Variants in IBTK observed in about 807,000 individuals in gnomAD.
IBTK encodes inhibitor of Bruton tyrosine kinase, also known as BTK-binding protein.
In IBTK, 83 loss-of-function variants were observed where a neutral mutation model predicts 154.9. The observed-to-expected ratio is 0.54, with a 90% confidence interval of 0.45 to 0.64. IBTK has a LOEUF of 0.64. IBTK is among the 30% of genes least tolerant of loss of function. IBTK has a pLI of 0.00. For synonymous variants in IBTK, 515 were observed against 536.1 expected, an observed-to-expected ratio of 0.96 and a Z score of 0.54; for missense variants, 1,332 against 1,584.6, an observed-to-expected ratio of 0.84 and a Z score of 2.71.
At chr6:82,195,950 G>A (rs16893984) in intron 22 of IBTK, among the ~76,000 whole-genome samples, 1,687 of 152,216 alleles carry the variant, frequency 0.011, 29 homozygotes, top group African/African-American at 0.038. Flanking sequence ...CATTTGCCTT[G>A]ACAATTTTTA....
intron 10 of IBTK, 105 bp downstream of exon 10, chr6:82,217,855 A>G (rs1381018309): frequency 1.4e-6 from 1 of 710,502 alleles, no homozygotes; most frequent in Middle Eastern, 3.5e-4. Flanking sequence ...AAAGATAAAT[A>G]CATAAAAGTA....
chr6:82,220,564 A>G (rs1309549711), intron 9 of IBTK, 26 bp downstream of exon 9: 1 of 1,579,878 alleles, frequency 6.3e-7, no homozygotes, highest in Non-Finnish European at 8.6e-7. Flanking sequence ...GAGTAAGATT[A>G]CACTTTTACA....
intron 25 of IBTK, among the ~76,000 whole-genome samples, chr6:82,184,436 C>A (rs1208836564): frequency 6.6e-6 from 1 of 152,050 alleles, no homozygotes; most frequent in African/African-American, 2.4e-5. Context: ...CAAGCCAGGC[C>A]ACAAAGAAAA....
At chr6:82,195,100 AC>A (rs1257232391) in intron 22 of IBTK, among the ~76,000 whole-genome samples, 3 of 152,140 alleles carry the variant, frequency 2.0e-5, no homozygotes, top group Non-Finnish European at 4.4e-5. Context: ...CCCTAAAACT[AC>A]TGCTATTGTA....
At chr6:82,201,347 T>C (rs1562084984) in intron 19 of IBTK, 75 bp downstream of exon 19, 1 of 980,258 alleles carries the variant, frequency 1.0e-6, no homozygotes, top group Non-Finnish European at 1.5e-6. Context: ...AACTATTCCA[T>C]TAATAAGTCT....
At position 82,218,436 on chromosome 6, in the gene IBTK, AC is replaced by A. The variant is rs568183324; in HGVS notation, c.1249-300del. ...CCTGTTTAGGGCAAACAGATGTGCT[AC>A]AATGCTAAAGAAAAACAAAATCTTA... On this transcript the variant is annotated intron_variant, in intron 9 of 28. Coordinates refer to ENST00000306270, the MANE Select transcript of IBTK (RefSeq NM_015525.4). Among the ~76,000 whole-genome samples, 220 of 152,334 alleles carry A rather than the reference AC, an allele frequency of 1.4e-3. 1 individual carries two copies. The highest frequency in any genetic ancestry group is 4.8e-3 in the African/African-American group (200 of 41,586).
At position 82,200,257 on chromosome 6, in the gene IBTK, G is replaced by A; in HGVS notation, c.2913-4C>T. The A allele has an allele frequency of 6.3e-7, 1 of 1,598,442 alleles. No individual in the cohort carries two copies. The highest frequency in any genetic ancestry group is 8.6e-7 in the Non-Finnish European group (1 of 1,166,940). On this transcript the variant is annotated splice_polypyrimidine_tract_variant and splice_region_variant and intron_variant, in intron 20 of 28. Transcript: ENST00000306270. ...TGCTTTCTTGAACATAGTTTCCCTA[G>A]GAAAAAGCAAACATAATTTCAGCAG...
chr6:82,194,804 C>CAAG (rs746586705), intron 22 of IBTK, among the ~76,000 whole-genome samples, 162 bp from the exon 23 acceptor site: 4 of 151,952 alleles, frequency 2.6e-5, no homozygotes, highest in Non-Finnish European at 5.9e-5. Flanking sequence ...CAGTTTTGTG[C>CAAG]CTTAGCCAAC....
At position 82,201,496 on chromosome 6, in the gene IBTK, T is replaced by A. The variant is rs755243475; in HGVS notation, c.2730-14A>T. 11 of 1,562,778 alleles carry A rather than the reference T, an allele frequency of 7.0e-6. No individual in the cohort carries two copies. The highest frequency in any genetic ancestry group is 9.6e-6 in the Non-Finnish European group (11 of 1,141,388). On this transcript the variant is annotated splice_polypyrimidine_tract_variant and intron_variant, in intron 18 of 28. Coordinates refer to ENST00000306270, the MANE Select transcript of IBTK (RefSeq NM_015525.4). Reference sequence around the variant, plus strand: ...ACATCAAGAGACCTAAAATATAGGATACAAAATTCTATCTTAAGATTCAAG... The same window carrying A: ...ACATCAAGAGACCTAAAATATAGGAAACAAAATTCTATCTTAAGATTCAAG...
intron 4 of IBTK, among the ~76,000 whole-genome samples, chr6:82,228,052 A>G (rs1394726331): frequency 1.3e-5 from 2 of 151,982 alleles, no homozygotes; most frequent in African/African-American, 4.8e-5. Flanking sequence ...AAATATATAT[A>G]TATTTACATA....
chr6:82,194,018 A>G (rs1562079801), intron 23 of IBTK, among the ~76,000 whole-genome samples: 1 of 152,088 alleles, frequency 6.6e-6, no homozygotes, highest in Non-Finnish European at 1.5e-5. Flanking sequence ...AAAAATATAT[A>G]TATAATATAG....
At position 82,240,423 on chromosome 6, in the gene IBTK, G is replaced by A; in HGVS notation, c.64C>T (p.Leu22Phe). ...CRSLKHALDVLSVVTKGSENQ... is the reference protein window; with the variant it reads ...CRSLKHALDVFSVVTKGSENQ... ...TCGCTCCCCTTTGTTACCACAGAAA[G>A]GACATCCAAAGCATGCTTCAGGGAT... is the stretch of plus-strand genomic sequence containing the variant. The change falls in exon 2 of 29, where the codon CTT becomes TTT. Residue 22 changes from leucine (L) to phenylalanine (F), a missense_variant. Coordinates refer to ENST00000306270, the MANE Select transcript of IBTK (RefSeq NM_015525.4). 6.2e-7 allele frequency: 1 copy of A among 1,614,194 alleles called. No homozygotes were observed. The highest frequency in any genetic ancestry group is 8.5e-7 in the Non-Finnish European group (1 of 1,180,032).
At chr6:82,209,127 G>A (rs976160450) in intron 16 of IBTK, among the ~76,000 whole-genome samples, 4 of 152,178 alleles carry the variant, frequency 2.6e-5, no homozygotes, top group Admixed American at 2.0e-4. Context: ...CCCTCACACT[G>A]TTAGTGGTTA....
chr6:82,234,059 G>A (rs1397571222), intron 3 of IBTK, 100 bp downstream of exon 3: 3 of 487,968 alleles, frequency 6.1e-6, no homozygotes, highest in South Asian at 6.8e-5. Context: ...CAGTATTCTC[G>A]AACTCCTGAC....
chr6:82,173,387 T>C lies in IBTK; in HGVS notation c.3777A>G (p.Leu1259=), dbSNP rs765191599. Residue 1259 remains leucine (L), a synonymous_variant, in exon 27 of 29, where the codon TTA becomes TTG. Coordinates refer to ENST00000306270, the MANE Select transcript of IBTK (RefSeq NM_015525.4). ...CTTACTTGGGACTGTCTAGAAGTGG[T>C]AAATCTGAAATATGGTTGCCTTCTG... ...PGPEGNHISD[L]PLLDSPNPWL... 1.2e-6 allele frequency: 2 copies of C among 1,613,324 alleles called. No homozygotes were observed. Among genetic ancestry groups the C allele is most frequent in the East Asian group, 2.2e-5 (1 of 44,882 alleles).
chr6:82,192,476 G>T (rs900430124), intron 23 of IBTK, among the ~76,000 whole-genome samples: 10 of 152,158 alleles, frequency 6.6e-5, no homozygotes, highest in Non-Finnish European at 1.3e-4. Flanking sequence ...GCCAGGTGTG[G>T]TGGCTCAAGC....
At position 82,234,144 on chromosome 6, in the gene IBTK, G is replaced by C; in HGVS notation, c.418+15C>G. ...GTGAGCCGCAGCGCCCAGCCCATTTGTGAAATTTTCTTACCAGTATTCTTG... is the reference window on the plus strand; with the variant it reads ...GTGAGCCGCAGCGCCCAGCCCATTTCTGAAATTTTCTTACCAGTATTCTTG... On this transcript the variant is annotated intron_variant, in intron 3 of 28. Coordinates refer to ENST00000306270, the MANE Select transcript of IBTK (RefSeq NM_015525.4). 1 of 1,393,308 alleles carries C rather than the reference G, an allele frequency of 7.2e-7. No individual in the cohort carries two copies. The highest frequency in any genetic ancestry group is 1.0e-6 in the Non-Finnish European group (1 of 988,846). The allele number at this position is 1,393,308 out of a possible 1,614,324, so 86.3% of individuals were successfully genotyped here. A position where few individuals can be genotyped will look rare whatever the true frequency, so the allele number is the denominator to read the frequency against.
At chr6:82,232,480 T>C (rs775523809) in intron 3 of IBTK, among the ~76,000 whole-genome samples, 3 of 152,218 alleles carry the variant, frequency 2.0e-5, no homozygotes, top group African/African-American at 7.2e-5. Context: ...ATGATATAAA[T>C]CTTCATTTTT....
At chr6:82,240,039 A>T in intron 2 of IBTK, 127 bp downstream of exon 2, 1 of 685,252 alleles carries the variant, frequency 1.5e-6, no homozygotes, top group Non-Finnish European at 2.4e-6. Flanking sequence ...CAGTTACAGT[A>T]GTAAGAGATA....
Sources: allele counts gnomAD v4.1 joint callset (sites outside exome capture counted in the v4.1 genomes callset), GRCh38; gene constraint gnomAD v4.1.1; transcripts MANE v1.5; gene names NCBI Gene and HGNC (gene_info 2026-07-23, HGNC 2026-07-21).